Variants in PHF20L1 observed in about 807,000 individuals in gnomAD.
PHF20L1 encodes the protein PHD finger protein 20 like 1.
A neutral mutation model predicts 125.5 loss-of-function variants in PHF20L1; 44 were observed. That is an observed-to-expected ratio of 0.35 (90% CI 0.28 to 0.45). The LOEUF is 0.45. Ranked by LOEUF, PHF20L1 falls within the 20% of genes least tolerant of loss-of-function variation. PHF20L1 has a pLI of 1.00. For synonymous variants in PHF20L1, 380 were observed against 403.1 expected, an observed-to-expected ratio of 0.94 and a Z score of 0.69; for missense variants, 1,012 against 1,217.2, an observed-to-expected ratio of 0.83 and a Z score of 2.51.
chr8:132,780,180 C>G (rs1405622027), intron 2 of PHF20L1, among the ~76,000 whole-genome samples: 1 of 152,082 alleles, frequency 6.6e-6, no homozygotes, highest in Non-Finnish European at 1.5e-5. Context: ...TCAGTAGTTT[C>G]AAGAACTAGT....
intron 14 of PHF20L1, among the ~76,000 whole-genome samples, chr8:132,828,899 A>G (rs1319735798): frequency 6.6e-6 from 1 of 152,092 alleles, no homozygotes; most frequent in Non-Finnish European, 1.5e-5. Context: ...CTTGTAAGTC[A>G]TTGAAGTATA....
chr8:132,842,467 A>AG (rs780840151), intron 18 of PHF20L1, 48 bp from the exon 19 acceptor site: 1 of 1,402,614 alleles, frequency 7.1e-7, no homozygotes, highest in African/African-American at 1.5e-5. Flanking sequence ...GCTTGTTAAT[A>AG]GATTTTTTTT....
At chr8:132,815,857 TG>T (rs1226063668) in intron 10 of PHF20L1, 1 of 151,916 alleles carries the variant, frequency 6.6e-6, no homozygotes, top group East Asian at 1.9e-4. Context: ...CATTTCATTA[TG>T]GCATTTATCA....
At chr8:132,778,027 G>A in intron 2 of PHF20L1, 116 bp downstream of exon 2, 2 of 662,732 alleles carry the variant, frequency 3.0e-6, no homozygotes, top group South Asian at 1.9e-5. Context: ...TTCACATTTC[G>A]ATTACACATA....
At chr8:132,835,048 G>T (rs1837194069) in intron 15 of PHF20L1, among the ~76,000 whole-genome samples, 1 of 152,106 alleles carries the variant, frequency 6.6e-6, no homozygotes, top group South Asian at 2.1e-4. Flanking sequence ...TAAATAGCGT[G>T]AATTTTTAAA....
At position 132,797,628 on chromosome 8, in the gene PHF20L1, G is replaced by T. The variant is rs1182335621; in HGVS notation, c.341-1144G>T. ...TTGGCATTCTCAAAATTTTTCCATT[G>T]TCTTTACATCCTTGCTATTCGCCTG... On this transcript the variant is annotated intron_variant, in intron 4 of 20. Coordinates refer to ENST00000395386, the MANE Select transcript of PHF20L1 (RefSeq NM_016018.5). 3.3e-5 allele frequency among the ~76,000 whole-genome samples: 5 copies of T among 152,070 alleles called. No individual in the cohort carries two copies. The East Asian group carries it at 9.7e-4, about 29-fold the overall frequency.
intron 9 of PHF20L1, 62 bp from the exon 10 acceptor site, chr8:132,814,575 G>T: frequency 8.4e-7 from 1 of 1,184,032 alleles, no homozygotes. Flanking sequence ...AGTCAAAATA[G>T]AATACAAGAA....
intron 4 of PHF20L1, among the ~76,000 whole-genome samples, chr8:132,795,671 T>A (rs1832301030): frequency 2.0e-5 from 3 of 152,212 alleles, no homozygotes; most frequent in South Asian, 4.1e-4. Flanking sequence ...CGGTAGTCCT[T>A]CCTTATCCAC....
At chr8:132,811,370 A>T (rs1396506766) in intron 9 of PHF20L1, 1 of 1,197,662 alleles carries the variant, frequency 8.3e-7, no homozygotes. Flanking sequence ...GCCTGGAGAC[A>T]GGCATCCCAG....
chr8:132,822,060 A>G (rs1158333971), intron 12 of PHF20L1, among the ~76,000 whole-genome samples: 1 of 151,854 alleles, frequency 6.6e-6, no homozygotes, highest in African/African-American at 2.4e-5. Context: ...TGCATATATG[A>G]ATATTTATTT....
chr8:132,843,052 C>A lies in PHF20L1; in HGVS notation c.2748+177C>A, dbSNP rs563125057. 47 of 1,334,826 alleles carry A rather than the reference C, an allele frequency of 3.5e-5. No homozygotes were observed. The African/African-American group carries it at 4.9e-4, about 14-fold the overall frequency. The allele number at this position is 1,334,826 out of a possible 1,614,324, so 82.7% of individuals were successfully genotyped here. On this transcript the variant is annotated intron_variant, in intron 19 of 20. Coordinates refer to ENST00000395386, the MANE Select transcript of PHF20L1 (RefSeq NM_016018.5). Reference sequence around the variant, plus strand: ...TACAGGAAAACACTGGCCATTTGAACATTTGATTATCTCCTAATTCAGAAT... The same window carrying A: ...TACAGGAAAACACTGGCCATTTGAAAATTTGATTATCTCCTAATTCAGAAT...
At chr8:132,829,608 G>A (rs1028601988) in intron 14 of PHF20L1, among the ~76,000 whole-genome samples, 1 of 152,024 alleles carries the variant, frequency 6.6e-6, no homozygotes, top group Admixed American at 6.6e-5. Flanking sequence ...CATCATCTGG[G>A]AGTGTTTCAT....
At chr8:132,811,984 T>C (rs1834443251) in intron 9 of PHF20L1, 3 of 980,334 alleles carry the variant, frequency 3.1e-6, no homozygotes, top group South Asian at 4.7e-5. Context: ...TTAATTGATA[T>C]TGTATTGAGT....
intron 15 of PHF20L1, among the ~76,000 whole-genome samples, chr8:132,832,839 T>C (rs1166059988): frequency 2.6e-5 from 4 of 152,128 alleles, no homozygotes; most frequent in African/African-American, 9.7e-5. Flanking sequence ...ATCTTAAAAG[T>C]ATACTTTGAA....
chr8:132,828,485 CTG>C (rs533632709), intron 14 of PHF20L1, among the ~76,000 whole-genome samples: 65 of 152,178 alleles, frequency 4.3e-4, no homozygotes, highest in South Asian at 1.7e-3. Context: ...GTTTATCAAA[CTG>C]TGTATTCTTC....
At chr8:132,797,775 G>C (rs894128624) in intron 4 of PHF20L1, among the ~76,000 whole-genome samples, 21 of 151,750 alleles carry the variant, frequency 1.4e-4, no homozygotes, top group Admixed American at 4.6e-4. Context: ...AAAAATCTTT[G>C]CACATATATA....
At chr8:132,791,837 C>T (rs909626456) in intron 2 of PHF20L1, among the ~76,000 whole-genome samples, 1 of 151,978 alleles carries the variant, frequency 6.6e-6, no homozygotes, top group Non-Finnish European at 1.5e-5. Context: ...TATGACTTAC[C>T]CTAAAGAGGA....
At chr8:132,812,802 C>CTAG (rs1384720720) in intron 9 of PHF20L1, 9 of 982,982 alleles carry the variant, frequency 9.2e-6, no homozygotes, top group Non-Finnish European at 9.7e-6. Flanking sequence ...ACCTCTGTTT[C>CTAG]CTAATGAGTT....
intron 2 of PHF20L1, chr8:132,788,972 C>G (rs1186839011): frequency 2.0e-5 from 3 of 152,104 alleles, no homozygotes; most frequent in Non-Finnish European, 2.9e-5. Context: ...CATGCAGCCT[C>G]AGGGAATTCA....
Sources: gnomAD v4.1 joint callset for allele counts (sites outside exome capture counted in the v4.1 genomes callset) on GRCh38, gnomAD v4.1.1 for gene constraint, MANE v1.5 for transcripts, NCBI Gene and HGNC (gene_info 2026-07-23, HGNC 2026-07-21) for gene names.